PCDHGA8: variants seen among roughly 807,000 people sequenced by gnomAD.
PCDHGA8 encodes protocadherin gamma subfamily A, 8.
In PCDHGA8, 45 loss-of-function variants were observed where a neutral mutation model predicts 59.2. That is an observed-to-expected ratio of 0.76 (90% CI 0.60 to 0.98). The LOEUF (loss-of-function observed/expected upper bound fraction) is 0.98. Among genes scored for constraint, PCDHGA8 ranks in the 50% least tolerant of loss-of-function variants. The pLI is 0.00. For synonymous variants in PCDHGA8, 531 were observed against 519.0 expected (o/e 1.02, Z -0.32); for missense variants, 1,257 against 1,196.2 (o/e 1.05, Z -0.75).
intron 1 of PCDHGA8, chr5:141,410,578 T>A (rs1432039651): frequency 6.2e-7 from 1 of 1,610,984 alleles, no homozygotes; most frequent in African/African-American, 1.3e-5. Context: ...TTCCACCTCA[T>A]GGTGGGGAGG....
chr5:141,406,600 G>A (rs1172246444), intron 1 of PCDHGA8, among the ~76,000 whole-genome samples: 2 of 152,144 alleles, frequency 1.3e-5, no homozygotes, highest in African/African-American at 4.8e-5. Flanking sequence ...AATGGTGAAA[G>A]TTGTCACATC....
At chr5:141,509,599 A>G (rs964564148) in intron 3 of PCDHGA8, among the ~76,000 whole-genome samples, 6 of 152,158 alleles carry the variant, frequency 3.9e-5, no homozygotes, top group African/African-American at 1.4e-4. Context: ...CAATTCCGAG[A>G]GGCTGCATTC....
At position 141,486,694 on chromosome 5, in the gene PCDHGA8, C is replaced by T. The variant is rs1275794121; in HGVS notation, c.2425-8113C>T. ...ATCGAGATGTATCAGCTTCCTCTTTCATCTCTCTGAACCCCCAGACAGGAG... is the reference window on the plus strand; with the variant it reads ...ATCGAGATGTATCAGCTTCCTCTTTTATCTCTCTGAACCCCCAGACAGGAG... On this transcript the variant is annotated intron_variant, in intron 1 of 3. Transcript: ENST00000398604. This position sits in a 1 kb window ranked among gnomAD's most constrained non-coding sequence, Gnocchi z 5.0. 1.2e-6 allele frequency: 2 copies of T among 1,614,168 alleles called. No individual in the cohort carries two copies. Among genetic ancestry groups the T allele is most frequent in the Non-Finnish European group, 1.7e-6 (2 of 1,180,044 alleles).
At position 141,448,827 on chromosome 5, in the gene PCDHGA8, C is replaced by T. The variant is rs540550537; in HGVS notation, c.2425-45980C>T. ...AGGCGTGATGGCGGGCGCCTGTAGT[C>T]CCAGCTACTCTGGAGGCTGAGGCAG... On this transcript the variant is annotated intron_variant, in intron 1 of 3. Transcript: ENST00000398604. Among the ~76,000 whole-genome samples the T allele has an allele frequency of 1.6e-4, 25 of 152,108 alleles. No homozygotes were observed. In the South Asian group the frequency reaches 4.2e-3, roughly 25 times the overall value.
chr5:141,400,656 A>G (rs72790034), intron 1 of PCDHGA8: 33,230 of 1,084,006 alleles, frequency 0.031, 658 homozygotes, highest in East Asian at 0.041. Context: ...CTGTCCTACC[A>G]TTCTTTAAGA....
chr5:141,498,197 A>C (rs1191884415), intron 2 of PCDHGA8, among the ~76,000 whole-genome samples: 1 of 152,246 alleles, frequency 6.6e-6, no homozygotes. Flanking sequence ...AACCAGCTAA[A>C]GAAAAGAAGG....
chr5:141,399,751 G>A (rs564705346), intron 1 of PCDHGA8: 3 of 1,613,322 alleles, frequency 1.9e-6, no homozygotes, highest in Admixed American at 3.3e-5. Context: ...CAGCGCAAAC[G>A]TGAGCCTGCG....
intron 1 of PCDHGA8, among the ~76,000 whole-genome samples, chr5:141,447,863 A>G (rs553375129): frequency 6.6e-6 from 1 of 152,254 alleles, no homozygotes; most frequent in East Asian, 1.9e-4. Flanking sequence ...AGGTGGGTGA[A>G]TCATCTGAGG....
At chr5:141,462,781 G>C (rs893647456) in intron 1 of PCDHGA8, among the ~76,000 whole-genome samples, 1 of 152,102 alleles carries the variant, frequency 6.6e-6, no homozygotes, top group Non-Finnish European at 1.5e-5. Flanking sequence ...GTCATAATTT[G>C]TTGCTTATTT....
At chr5:141,460,780 A>G (rs1387522399) in intron 1 of PCDHGA8, among the ~76,000 whole-genome samples, 3 of 152,042 alleles carry the variant, frequency 2.0e-5, no homozygotes, top group Non-Finnish European at 4.4e-5. Context: ...GTATGTATAC[A>G]TATATACACA....
In PCDHGA8 at chr5:141,492,378, C is replaced by T. The variant is rs144479033; in HGVS notation, c.2425-2429C>T. Among the ~76,000 whole-genome samples the T allele has an allele frequency of 1.7e-3, 262 of 152,360 alleles. 2 individuals are homozygous for T. The highest frequency in any genetic ancestry group is 3.0e-3 in the Non-Finnish European group (207 of 68,026). On this transcript the variant is annotated intron_variant, in intron 1 of 3. Coordinates refer to ENST00000398604, the MANE Select transcript of PCDHGA8 (RefSeq NM_032088.2). ...CTCGCTCGCGGCCAGATTCACAGGCCTGTTCCGGTCCACTCGCAGCTCCCC... is the reference window on the plus strand; with the variant it reads ...CTCGCTCGCGGCCAGATTCACAGGCTTGTTCCGGTCCACTCGCAGCTCCCC...
chr5:141,435,934 T>A (rs1311888999), intron 1 of PCDHGA8, among the ~76,000 whole-genome samples: 2 of 152,160 alleles, frequency 1.3e-5, no homozygotes, highest in Non-Finnish European at 2.9e-5. Flanking sequence ...CAGTTGCTGC[T>A]TCTGAGACCA....
chr5:141,403,074 A>T (rs777613681), intron 1 of PCDHGA8: 1 of 1,614,088 alleles, frequency 6.2e-7, no homozygotes, highest in South Asian at 1.1e-5. Context: ...GAGACAGAAA[A>T]GGGCTATATT....
At chr5:141,437,650 A>G in intron 1 of PCDHGA8, among the ~76,000 whole-genome samples, 1 of 152,314 alleles carries the variant, frequency 6.6e-6, no homozygotes, top group Non-Finnish European at 1.5e-5. Context: ...AAAAGCAAAC[A>G]CATAGTTTCG....
At chr5:141,455,503 T>C (rs1005615473) in intron 1 of PCDHGA8, among the ~76,000 whole-genome samples, 3 of 152,302 alleles carry the variant, frequency 2.0e-5, no homozygotes, top group Middle Eastern at 3.4e-3. Context: ...CTGATTTGCA[T>C]AGGGCTCAGG....
Position 141,486,650 on chromosome 5 carries a change from T to C in PCDHGA8, c.2425-8157T>C, listed in dbSNP as rs1321605826. On this transcript the variant is annotated intron_variant, in intron 1 of 3. Coordinates refer to ENST00000398604, the MANE Select transcript of PCDHGA8 (RefSeq NM_032088.2). The surrounding 1 kb of genome is among the most constrained non-coding windows in gnomAD (Gnocchi z 5.0). ...TGGCTTGAATGCGCTTATCTCCTAC[T>C]CACTCCTGGAGCCCAGGAATCGAGA... is the stretch of plus-strand genomic sequence containing the variant. The C allele has an allele frequency of 6.2e-7, 1 of 1,613,834 alleles. No individual in the cohort carries two copies. Among genetic ancestry groups the C allele is most frequent in the African/African-American group, 1.3e-5 (1 of 74,938 alleles).
Position 141,486,427 on chromosome 5 carries a change from A to G in PCDHGA8, c.2425-8380A>G. On this transcript the variant is annotated intron_variant, in intron 1 of 3. Transcript: ENST00000398604. This position sits in a 1 kb window ranked among gnomAD's most constrained non-coding sequence, Gnocchi z 5.0. ...CTGGACCCTTGGATCGAGAGGCCAA[A>G]TCTAGCTATGACATCATGGTCACTG... The G allele has an allele frequency of 6.2e-7, 1 of 1,614,160 alleles. No homozygotes were observed. Among genetic ancestry groups the G allele is most frequent in the Non-Finnish European group, 8.5e-7 (1 of 1,180,016 alleles).
chr5:141,505,342 T>C (rs2099845433), intron 2 of PCDHGA8, 51 bp from the exon 3 acceptor site: 1 of 1,612,738 alleles, frequency 6.2e-7, no homozygotes, highest in African/African-American at 1.3e-5. Flanking sequence ...AGGAGGGGCA[T>C]GAGCTGTGCC....
At chr5:141,508,903 G>A (rs1410291297) in intron 3 of PCDHGA8, among the ~76,000 whole-genome samples, 1 of 152,086 alleles carries the variant, frequency 6.6e-6, no homozygotes, top group East Asian at 1.9e-4. Flanking sequence ...GGGCGGGGCG[G>A]TGGCGGATCT....
Sources: allele counts gnomAD v4.1 joint callset (sites outside exome capture counted in the v4.1 genomes callset), GRCh38; gene constraint gnomAD v4.1.1; non-coding constraint Gnocchi (gnomAD v3.1); transcripts MANE v1.5; gene names NCBI Gene and HGNC (gene_info 2026-07-23, HGNC 2026-07-21).